The following ZNF780A variants were observed in gnomAD, a reference collection of about 807,000 sequenced individuals.
ZNF780A encodes the protein zinc finger protein 780A.
In ZNF780A, 40 loss-of-function variants were observed where a neutral mutation model predicts 56.7. That is an observed-to-expected ratio of 0.71 (90% CI 0.55 to 0.92). The LOEUF (loss-of-function observed/expected upper bound fraction) is 0.92. Ranked by LOEUF, ZNF780A falls within the 40% of genes least tolerant of loss-of-function variation. ZNF780A has a pLI of 0.00. For missense variants in ZNF780A, 672 were observed against 783.3 expected (o/e 0.86, Z 1.70); for synonymous variants, 231 against 248.3 (o/e 0.93, Z 0.66).
intron 5 of ZNF780A, 117 bp from the exon 6 acceptor site, chr19:40,076,326 T>A (rs367991197): frequency 9.2e-7 from 1 of 1,089,820 alleles, no homozygotes; most frequent in Non-Finnish European, 1.3e-6. Flanking sequence ...TTGATTTTAT[T>A]AGCCAAAACC....
intron 5 of ZNF780A, among the ~76,000 whole-genome samples, chr19:40,077,126 T>C (rs982207126): frequency 6.6e-6 from 1 of 151,998 alleles, no homozygotes; most frequent in East Asian, 1.9e-4. Context: ...AGTACCAGCA[T>C]ACACTATGCT....
intron 5 of ZNF780A, among the ~76,000 whole-genome samples, chr19:40,078,948 A>G (rs1488324303): frequency 2.0e-5 from 3 of 152,234 alleles, no homozygotes; most frequent in Non-Finnish European, 4.4e-5. Context: ...TACACAAATC[A>G]ACTAGAAATC....
chr19:40,071,258 T>G (rs1346260342), downstream of ZNF780A: 8 of 152,178 alleles, frequency 5.3e-5, no homozygotes, highest in Non-Finnish European at 1.0e-4. Context: ...TTTAAAAAAG[T>G]TAATCTCTCT....
chr19:40,079,672 A>T (rs1426869671), intron 5 of ZNF780A, among the ~76,000 whole-genome samples: 4 of 152,184 alleles, frequency 2.6e-5, no homozygotes, highest in Non-Finnish European at 5.9e-5. Flanking sequence ...AATCAGTAAC[A>T]AGAGGAACTT....
rs1356285246 is a variant in ZNF780A, at chr19:40,074,825, A to G, written c.1617T>C (p.Arg539=). 1.2e-6 allele frequency: 2 copies of G among 1,613,966 alleles called. No individual in the cohort carries two copies. Among genetic ancestry groups the G allele is most frequent in the South Asian group, 2.2e-5 (2 of 91,074 alleles). ...GATGTTGATTAAGATTTGAACCACG[A>G]CGAAAGAATTTCCCACATTCCTTAC... is the stretch of plus-strand genomic sequence containing the variant. The part of the protein sequence containing the change: ...FECKECGKFF[R]RGSNLNQHRS... Residue 539 remains arginine, a synonymous_variant, in exon 6 of 6, where the codon CGT becomes CGC. Transcript: ENST00000683561.
At chr19:40,084,228 A>G (rs909458972) in intron 3 of ZNF780A, among the ~76,000 whole-genome samples, 1 of 152,082 alleles carries the variant, frequency 6.6e-6, no homozygotes, top group Admixed American at 6.6e-5. Flanking sequence ...GTAATCACCT[A>G]TCATTCATGC....
chr19:40,073,348 GAT>G lies in ZNF780A; in HGVS notation c.*1166_*1167del, dbSNP rs1310824080. 4.0e-6 allele frequency: 1 copy of G among 247,396 alleles called. No individual in the cohort carries two copies. The highest frequency in any genetic ancestry group is 6.5e-6 in the Non-Finnish European group (1 of 153,460). The allele number at this position is 247,396 out of a possible 1,614,324, so 15.3% of individuals were successfully genotyped here. A position where few individuals can be genotyped will look rare whatever the true frequency, so the allele number is the denominator to read the frequency against. On this transcript the variant is annotated 3_prime_UTR_variant, in exon 6 of 6. Coordinates refer to ENST00000683561, the MANE Select transcript of ZNF780A (RefSeq NM_001142578.2). Reference sequence around the variant, plus strand: ...TCACTGGTCATTGATCACCATGATAGATATATAACAATGAAATAGTTTGAAAT... The same window carrying G: ...TCACTGGTCATTGATCACCATGATAGATATAACAATGAAATAGTTTGAAAT...
chr19:40,089,478 A>G (rs1402570876), intron 2 of ZNF780A: 1 of 421,002 alleles, frequency 2.4e-6, no homozygotes. Flanking sequence ...AAAACATATT[A>G]AACATTATTA....
Position 40,087,878 on chromosome 19 carries a change from T to C in ZNF780A, c.-46+2288A>G, listed in dbSNP as rs1047359302. 3.3e-5 allele frequency among the ~76,000 whole-genome samples: 5 copies of C among 152,152 alleles called. No individual in the cohort carries two copies. In the East Asian group the frequency reaches 9.6e-4, roughly 29 times the overall value. ...CCATATATTTATAACCAACCGAGTT[T>C]TGAGGAGGGTACCAAGAACATACAA... On this transcript the variant is annotated intron_variant, in intron 2 of 5. Transcript: ENST00000683561.
chr19:40,084,790 G>A lies in ZNF780A; in HGVS notation c.-37C>T. ...TACAAAACTGGTCAATCTTCCTCGG[G>A]CTTCTCCCCTGGAAAACAACAACAA... On this transcript the variant is annotated 5_prime_UTR_variant, in exon 3 of 6. Coordinates refer to ENST00000683561, the MANE Select transcript of ZNF780A (RefSeq NM_001142578.2). 2 of 1,553,028 alleles carry A rather than the reference G, an allele frequency of 1.3e-6. No individual in the cohort carries two copies. The highest frequency in any genetic ancestry group is 1.4e-5 in the African/African-American group (1 of 73,274).
chr19:40,085,317 C>A (rs767969023), intron 2 of ZNF780A: 11 of 985,392 alleles, frequency 1.1e-5, no homozygotes, highest in Non-Finnish European at 1.2e-5. Context: ...GTTCAGCATT[C>A]TAAATTCAGC....
chr19:40,072,556 T>C (rs928509531), downstream of ZNF780A: 1 of 227,214 alleles, frequency 4.4e-6, no homozygotes, highest in African/African-American at 2.3e-5. Context: ...ATGATCAGGA[T>C]ATAAACCCAG....
chr19:40,070,008 G>A (rs921195890), downstream of ZNF780A: 1 of 152,136 alleles, frequency 6.6e-6, no homozygotes, highest in Non-Finnish European at 1.5e-5. Flanking sequence ...GTGCTAGGGA[G>A]TGAAGGTCAG....
intron 2 of ZNF780A, among the ~76,000 whole-genome samples, chr19:40,086,729 GTC>G (rs1319463632): frequency 3.9e-5 from 6 of 152,110 alleles, no homozygotes; most frequent in Non-Finnish European, 7.4e-5. Flanking sequence ...CAGGGGTGGA[GTC>G]TCACTCTGTC....
downstream of ZNF780A, chr19:40,069,438 A>G (rs1973745421): frequency 6.6e-6 from 1 of 152,202 alleles, no homozygotes. Flanking sequence ...ATCTTCCACC[A>G]TGACCCAAAC....
rs974936534 is a variant in ZNF780A, at chr19:40,075,383, C to T, written c.1059G>A (p.Lys353=). The T allele has an allele frequency of 6.2e-7, 1 of 1,613,400 alleles. No individual in the cohort carries two copies. Among genetic ancestry groups the T allele is most frequent in the Admixed American group, 1.7e-5 (1 of 59,982 alleles). The change falls in exon 6 of 6, where the codon AAG becomes AAA. Residue 353 remains lysine (K), a synonymous_variant. Transcript: ENST00000683561. ...CAAAGGGTTTCTCACCAGTATGAAT[C>T]TTCTGATGTCGAACAAGCTTTGTCA... The part of the protein sequence containing the change: ...TLLTKLVRHQ[K]IHTGEKPFEC...
chr19:40,072,763 G>C (rs1200804592), downstream of ZNF780A: 76 of 1,322,790 alleles, frequency 5.7e-5, no homozygotes, highest in Non-Finnish European at 1.3e-5. Flanking sequence ...AAAAAACATA[G>C]AGGCCCAGAA....
At position 40,075,839 on chromosome 19, in the gene ZNF780A, G is replaced by A. The variant is rs981494601; in HGVS notation, c.603C>T (p.Ala201=). The A allele has an allele frequency of 5.0e-6, 8 of 1,613,762 alleles. No homozygotes were observed. Among genetic ancestry groups the A allele is most frequent in the African/African-American group, 1.3e-5 (1 of 74,864 alleles). ...KPFECKECGK[A]FRLHIQFTRH... is the part of the protein sequence containing the mutation. ...GAGTAAATTGTATGTGAAGTCGAAA[G>A]GCTTTCCCACACTCCTTACATTCAA... is the stretch of plus-strand genomic sequence containing the variant. The change falls in exon 6 of 6, where the codon GCC becomes GCT. Residue 201 remains alanine, a synonymous_variant. Coordinates refer to ENST00000683561, the MANE Select transcript of ZNF780A (RefSeq NM_001142578.2).
At chr19:40,089,629 C>T (rs1231716980) in intron 2 of ZNF780A, among the ~76,000 whole-genome samples, 5 of 151,894 alleles carry the variant, frequency 3.3e-5, no homozygotes, top group African/African-American at 1.2e-4. Context: ...CACACACACA[C>T]ACACACACAC....
Sources: gnomAD v4.1 joint callset for allele counts (sites outside exome capture counted in the v4.1 genomes callset) on GRCh38, gnomAD v4.1.1 for gene constraint, MANE v1.5 for transcripts, NCBI Gene and HGNC (gene_info 2026-07-23, HGNC 2026-07-21) for gene names.